METAP1: variants seen among roughly 807,000 people sequenced by gnomAD.
METAP1 encodes the protein methionyl aminopeptidase 1.
In METAP1, 28 loss-of-function variants were observed where a neutral mutation model predicts 53.8. The observed-to-expected ratio is 0.52, with a 90% CI of 0.39 to 0.71. METAP1 has a LOEUF of 0.71. Among genes scored for constraint, METAP1 ranks in the 30% least tolerant of loss-of-function variants. METAP1 has a pLI of 0.00. For missense variants in METAP1, 389 were observed against 479.8 expected (o/e 0.81, Z 1.77); for synonymous variants, 181 against 165.7 (o/e 1.09, Z -0.71).
intron 4 of METAP1, among the ~76,000 whole-genome samples, chr4:99,036,482 C>T (rs1560719563): frequency 6.6e-6 from 1 of 151,936 alleles, no homozygotes; most frequent in African/African-American, 2.4e-5. Context: ...AAGTTCTAGT[C>T]CTTAGAGGTA....
chr4:99,048,158 TAAAG>T (rs773876602), intron 8 of METAP1, among the ~76,000 whole-genome samples: 3 of 152,312 alleles, frequency 2.0e-5, no homozygotes, highest in South Asian at 2.1e-4. Context: ...TCTCTGTTGT[TAAAG>T]AAAGCAAAAG....
At position 99,023,060 on chromosome 4, in the gene METAP1, C is replaced by T. The variant is rs1724258054; in HGVS notation, c.115-5807C>T. 3 of 1,357,834 alleles carry T rather than the reference C, an allele frequency of 2.2e-6. No homozygotes were observed. The Admixed American group carries it at 6.2e-5, about 28-fold the overall frequency. 84.1% of individuals were successfully genotyped at this position (1,357,834 alleles called of 1,614,324 possible). The stretch of plus-strand genomic sequence containing the variant: ...TTGGATTCCTCCTGCTCCTCCTCCA[C>T]ATCTAGTGTCTGGTCTGTCCCTTCC... On this transcript the variant is annotated intron_variant, in intron 1 of 10. Coordinates refer to ENST00000296411, the MANE Select transcript of METAP1 (RefSeq NM_015143.3).
Position 99,016,832 on chromosome 4 carries a change from C to T in METAP1, c.115-12035C>T, listed in dbSNP as rs143705451. ...CAGTACATCCATAGACTGAGGACAGCGTCACATAGGGCCTGAGGGCCCCAG... is the reference window on the plus strand; with the variant it reads ...CAGTACATCCATAGACTGAGGACAGTGTCACATAGGGCCTGAGGGCCCCAG... On this transcript the variant is annotated intron_variant, in intron 1 of 10. Transcript: ENST00000296411. 8.3e-4 allele frequency among the ~76,000 whole-genome samples: 126 copies of T among 152,066 alleles called. No homozygotes were observed. The Middle Eastern group carries it at 0.027, about 33-fold the overall frequency.
chr4:99,061,256 G>T lies in METAP1; in HGVS notation c.1100G>T (p.Gly367Val). 6.2e-7 allele frequency: 1 copy of T among 1,613,824 alleles called. No homozygotes were observed. Among genetic ancestry groups the T allele is most frequent in the Non-Finnish European group, 8.5e-7 (1 of 1,179,764 alleles). ...CACACCCTCCTGGTCACAGACACTG[G>T]CTGTGAAATCCTAACCCGGCGACTT... ...FEHTLLVTDTGCEILTRRLDS... is the reference protein window; with the variant it reads ...FEHTLLVTDTVCEILTRRLDS... The change falls in exon 11 of 11, where the codon GGC becomes GTC. Residue 367 changes from glycine (G) to valine (V), a missense_variant. Transcript: ENST00000296411.
In METAP1 at chr4:99,035,392, G is replaced by A. The variant is rs751113777; in HGVS notation, c.280-8G>A. The A allele has an allele frequency of 2.5e-5, 39 of 1,540,188 alleles. No homozygotes were observed. The highest frequency in any genetic ancestry group is 3.5e-6 in the Non-Finnish European group (4 of 1,137,234). ...TGGTAAATCAGTTTTAACTAACTTT[G>A]TTTTTAGATGCCAACAAGGCCAGTG... On this transcript the variant is annotated splice_polypyrimidine_tract_variant and splice_region_variant and intron_variant, in intron 3 of 10. Transcript: ENST00000296411.
intron 4 of METAP1, among the ~76,000 whole-genome samples, chr4:99,038,830 G>A (rs752702040): frequency 1.4e-4 from 22 of 151,972 alleles, no homozygotes; most frequent in African/African-American, 3.1e-4. Flanking sequence ...TTCCTACTCC[G>A]TATAATACGA....
intron 1 of METAP1, among the ~76,000 whole-genome samples, chr4:99,011,053 T>TA (rs398107718): frequency 2.6e-5 from 4 of 151,962 alleles, no homozygotes; most frequent in African/African-American, 4.8e-5. Context: ...GTTTTTTTTT[T>TA]AATGAAATCT....
rs1727575811 is a variant in METAP1, at chr4:99,062,067, C to G, written c.*750C>G. The stretch of plus-strand genomic sequence containing the variant: ...TTTTCCAAGTGGTGGCTGACTGTTG[C>G]AGGGAATGAGAATTTCATAATACAC... On this transcript the variant is annotated 3_prime_UTR_variant, in exon 11 of 11. Coordinates refer to ENST00000296411, the MANE Select transcript of METAP1 (RefSeq NM_015143.3). The G allele has an allele frequency of 6.6e-6, 1 of 152,166 alleles. No individual in the cohort carries two copies. The highest frequency in any genetic ancestry group is 1.5e-5 in the Non-Finnish European group (1 of 68,044). 9.4% of individuals were successfully genotyped at this position (152,166 alleles called of 1,614,324 possible).
At chr4:99,023,304 G>A (rs1174574938) in intron 1 of METAP1, 2 of 636,364 alleles carry the variant, frequency 3.1e-6, no homozygotes, top group East Asian at 9.6e-5. Flanking sequence ...TGTTTTGCTC[G>A]TTTGTCAGAT....
chr4:99,011,769 C>T (rs1723481820), intron 1 of METAP1, among the ~76,000 whole-genome samples: 3 of 151,940 alleles, frequency 2.0e-5, no homozygotes, highest in Admixed American at 2.0e-4. Context: ...GGAGAAATGC[C>T]ATCTCTACTA....
rs1272007360 is a variant in METAP1 at position 99,061,281 on chromosome 4, T to G, written c.1125T>G (p.Leu375=). The G allele has an allele frequency of 1.2e-6, 2 of 1,613,898 alleles. No individual in the cohort carries two copies. Among genetic ancestry groups the G allele is most frequent in the South Asian group, 1.1e-5 (1 of 91,060 alleles). Residue 375 remains leucine (L), a synonymous_variant, in exon 11 of 11, where the codon CTT becomes CTG. Coordinates refer to ENST00000296411, the MANE Select transcript of METAP1 (RefSeq NM_015143.3). ...DTGCEILTRR[L]DSARPHFMSQ... ...GCTGTGAAATCCTAACCCGGCGACT[T>G]GACAGTGCACGGCCTCACTTCATGT...
chr4:99,061,633 A>G lies in METAP1; in HGVS notation c.*316A>G, dbSNP rs1271198788. On this transcript the variant is annotated 3_prime_UTR_variant, in exon 11 of 11. Transcript: ENST00000296411. ...TGCCGCAAAACAGCCATCAAGAGCC[A>G]TCTGCTTTCCAGGTGAACATTGGAA... 9.7e-6 allele frequency: 2 copies of G among 205,176 alleles called. No individual in the cohort carries two copies. The highest frequency in any genetic ancestry group is 4.6e-5 in the African/African-American group (2 of 43,548). 12.7% of individuals were successfully genotyped at this position (205,176 alleles called of 1,614,324 possible). A position where few individuals can be genotyped will look rare whatever the true frequency, so the allele number is the denominator to read the frequency against.
chr4:99,059,108 T>C (rs1478958967), intron 10 of METAP1, among the ~76,000 whole-genome samples: 1 of 152,240 alleles, frequency 6.6e-6, no homozygotes, highest in African/African-American at 2.4e-5. Context: ...AGCCATGATG[T>C]AGTGTTTTCA....
chr4:99,043,993 C>A (rs571106230), intron 7 of METAP1, among the ~76,000 whole-genome samples: 1 of 152,090 alleles, frequency 6.6e-6, no homozygotes, highest in Non-Finnish European at 1.5e-5. Flanking sequence ...AGTGCAGGGG[C>A]GCCACCATGG....
chr4:99,001,404 TAATC>T (rs1448775275), intron 1 of METAP1, among the ~76,000 whole-genome samples: 4 of 152,238 alleles, frequency 2.6e-5, no homozygotes, highest in African/African-American at 7.2e-5. Context: ...TGTGTGAAGA[TAATC>T]AATTACCCAG....
At chr4:99,050,690 A>C (rs940651034) in intron 9 of METAP1, among the ~76,000 whole-genome samples, 1 of 152,178 alleles carries the variant, frequency 6.6e-6, no homozygotes, top group Non-Finnish European at 1.5e-5. Flanking sequence ...TTAGATTCTC[A>C]TAGGAGTTTG....
intron 1 of METAP1, among the ~76,000 whole-genome samples, chr4:99,020,096 G>T (rs893372341): frequency 1.1e-4 from 17 of 152,240 alleles, no homozygotes; most frequent in African/African-American, 3.6e-4. Flanking sequence ...GACCGGCAGG[G>T]TAATCACGTT....
At chr4:99,012,270 T>C (rs1390953488) in intron 1 of METAP1, among the ~76,000 whole-genome samples, 1 of 10,280 alleles carries the variant, frequency 9.7e-5, no homozygotes, top group Non-Finnish European at 1.6e-4. Context: ...TTAATGTGAG[T>C]TTTTTTTTTT....
At chr4:99,048,698 A>G in intron 8 of METAP1, 35 bp from the exon 9 acceptor site, 1 of 1,603,360 alleles carries the variant, frequency 6.2e-7, no homozygotes, top group Non-Finnish European at 8.5e-7. Flanking sequence ...CGTATTAGTT[A>G]TTAGTTTATC....
Sources: allele counts gnomAD v4.1 joint callset (sites outside exome capture counted in the v4.1 genomes callset), GRCh38; gene constraint gnomAD v4.1.1; transcripts MANE v1.5; gene names NCBI Gene and HGNC (gene_info 2026-07-23, HGNC 2026-07-21).